The following SUGP1 variants were observed in gnomAD, a reference collection of about 807,000 sequenced individuals.
The protein encoded by SUGP1 is SURP and G-patch domain containing 1.
Under a neutral mutation model 76.5 loss-of-function variants are expected in SUGP1, and 34 were observed. That is an observed-to-expected ratio of 0.44 (90% CI 0.34 to 0.59). SUGP1 has a LOEUF of 0.59. SUGP1 is among the 20% of genes least tolerant of loss of function. SUGP1 has a pLI of 0.01. For missense variants in SUGP1, 752 were observed against 851.7 expected (o/e 0.88, Z 1.46); for synonymous variants, 326 against 326.2 (o/e 1.00, Z 0.01).
intron 5 of SUGP1, 130 bp from the exon 6 acceptor site, chr19:19,303,578 A>G: frequency 3.0e-6 from 4 of 1,344,982 alleles, no homozygotes; most frequent in South Asian, 1.2e-5. Context: ...TCCGTGCCAC[A>G]TGGGAGCCAC....
chr19:19,287,032 T>C (rs1318815936), intron 8 of SUGP1, among the ~76,000 whole-genome samples: 5 of 152,072 alleles, frequency 3.3e-5, no homozygotes, highest in African/African-American at 1.2e-4. Context: ...CCCAGTACTT[T>C]GGAAGGCTGA....
Position 19,279,379 on chromosome 19 carries a change from C to T in SUGP1, c.1362G>A (p.Met454Ile). 6.2e-7 allele frequency: 1 copy of T among 1,601,954 alleles called. No homozygotes were observed. Among genetic ancestry groups the T allele is most frequent in the Non-Finnish European group, 8.5e-7 (1 of 1,177,086 alleles). The change falls in exon 10 of 14, where the codon ATG becomes ATA. Residue 454 changes from methionine (M) to isoleucine (I), a missense_variant. By Grantham distance (10) the Met-to-Ile change is conservative. Coordinates refer to ENST00000247001, the MANE Select transcript of SUGP1 (RefSeq NM_172231.4). ...QLKEQQEMQQ[M>I]YDMIMQHKRA... ...GCTTGTGCTGCATGATCATGTCGTA[C>T]ATCTGCTGCATCTGCAGGGCACACT...
intron 8 of SUGP1, among the ~76,000 whole-genome samples, chr19:19,286,565 A>G (rs940589185): frequency 6.6e-6 from 1 of 152,220 alleles, no homozygotes; most frequent in Non-Finnish European, 1.5e-5. Context: ...AAGGGATTTC[A>G]AAAGATAGAT....
rs755934845 is a variant in SUGP1 at position 19,297,068 on chromosome 19, C to T, written c.1164G>A (p.Gly388=). The change falls in exon 8 of 14, where the codon GGG becomes GGA. Residue 388 remains glycine, a synonymous_variant. Coordinates refer to ENST00000247001, the MANE Select transcript of SUGP1 (RefSeq NM_172231.4). ...GGAGCTCTACCTTATCCTCTTCAGG[C>T]CCCCACCGGCTCTTCCGCTTCCTCT... ...TVKRKRKSRW[G]PEEDKVELPP... is the part of the protein sequence containing the mutation. The T allele has an allele frequency of 6.2e-7, 1 of 1,613,302 alleles. No individual in the cohort carries two copies.
intron 5 of SUGP1, 125 bp from the exon 6 acceptor site, chr19:19,303,573 G>T: frequency 7.5e-7 from 1 of 1,335,640 alleles, no homozygotes; most frequent in Non-Finnish European, 1.1e-6. Context: ...AAGTCTCCGT[G>T]CCACATGGGA....
chr19:19,285,904 T>G (rs770569484), intron 8 of SUGP1, among the ~76,000 whole-genome samples: 1 of 152,172 alleles, frequency 6.6e-6, no homozygotes, highest in Non-Finnish European at 1.5e-5. Flanking sequence ...TACTGTTTTG[T>G]GCAAATGCAG....
intron 4 of SUGP1, among the ~76,000 whole-genome samples, chr19:19,304,805 GGA>G (rs1905155807): frequency 6.6e-6 from 1 of 152,146 alleles, no homozygotes; most frequent in Non-Finnish European, 1.5e-5. Flanking sequence ...TGGGAATGGG[GGA>G]GAGGTGGGGA....
At chr19:19,317,799 C>A (rs1016040418) in intron 1 of SUGP1, among the ~76,000 whole-genome samples, 2 of 149,064 alleles carry the variant, frequency 1.3e-5, no homozygotes, top group African/African-American at 2.5e-5. Flanking sequence ...AGGCACCGTG[C>A]CCCAGTGGCT....
At chr19:19,304,007 G>A (rs186191456) in intron 4 of SUGP1, 160 bp from the exon 5 acceptor site, 33 of 1,592,060 alleles carry the variant, frequency 2.1e-5, no homozygotes, top group Admixed American at 5.0e-5. Flanking sequence ...ACACCATGAC[G>A]AGGGGGGAGT....
At chr19:19,288,685 G>A (rs1238714446) in intron 8 of SUGP1, among the ~76,000 whole-genome samples, 3 of 152,176 alleles carry the variant, frequency 2.0e-5, no homozygotes, top group African/African-American at 4.8e-5. Context: ...GAGCTCAAGA[G>A]GTTGAGGCTG....
At chr19:19,309,602 C>T (rs2061339820) in intron 3 of SUGP1, among the ~76,000 whole-genome samples, 1 of 151,792 alleles carries the variant, frequency 6.6e-6, no homozygotes, top group Non-Finnish European at 1.5e-5. Flanking sequence ...CACAATGAAA[C>T]CCAGTCCCTA....
intron 1 of SUGP1, among the ~76,000 whole-genome samples, chr19:19,319,738 GAAAGA>G (rs2061425231): frequency 7.5e-6 from 1 of 133,534 alleles, no homozygotes; most frequent in Non-Finnish European, 1.6e-5. Flanking sequence ...AAGAAAGAAA[GAAAGA>G]AAAGGTCTTT....
rs772847394 is a variant in SUGP1 at position 19,305,853 on chromosome 19, G to C, written c.534C>G (p.Ile178Met). 4 of 1,602,042 alleles carry C rather than the reference G, an allele frequency of 2.5e-6. No individual in the cohort carries two copies. Among genetic ancestry groups the C allele is most frequent in the Non-Finnish European group, 3.4e-6 (4 of 1,171,818 alleles). ...GCAGCAGCTCCCACAACTTACCTTT[G>C]ATCTCCAGCCACTGCTCATAGTCCT... is the stretch of plus-strand genomic sequence containing the variant. ...EEEDYEQWLEIKVSPPEGAET... is the reference protein window; with the variant it reads ...EEEDYEQWLEMKVSPPEGAET... The change falls in exon 4 of 14, where the codon ATC becomes ATG. Residue 178 changes from isoleucine (I) to methionine (M), a missense_variant. By Grantham distance (10) the Ile-to-Met change is conservative. Coordinates refer to ENST00000247001, the MANE Select transcript of SUGP1 (RefSeq NM_172231.4).
At chr19:19,283,585 GCCGGGA>G (rs2061116889) in intron 8 of SUGP1, among the ~76,000 whole-genome samples, 1 of 152,130 alleles carries the variant, frequency 6.6e-6, no homozygotes, top group Admixed American at 6.5e-5. Flanking sequence ...CTCCCGAGTA[GCCGGGA>G]CTACAGGTGG....
At chr19:19,304,047 G>A (rs1568631177) in intron 4 of SUGP1, 200 bp from the exon 5 acceptor site, 1 of 1,561,582 alleles carries the variant, frequency 6.4e-7, no homozygotes, top group East Asian at 2.3e-5. Flanking sequence ...AGACACACTA[G>A]GTGGGAGAGA....
Position 19,280,300 on chromosome 19 carries a change from CAA to C in SUGP1, c.1244-11_1244-10del. The C allele has an allele frequency of 6.2e-7, 1 of 1,612,960 alleles. No individual in the cohort carries two copies. The highest frequency in any genetic ancestry group is 8.5e-7 in the Non-Finnish European group (1 of 1,179,398). ...CCCCTTGAGGTCCTGAACTGGAAAC[CAA>C]AGACACAGGGTAGTCAGAGCCTGAC... On this transcript the variant is annotated splice_polypyrimidine_tract_variant and intron_variant, in intron 8 of 13. Transcript: ENST00000247001.
intron 11 of SUGP1, 45 bp downstream of exon 11, chr19:19,278,645 G>A: frequency 6.5e-7 from 1 of 1,544,196 alleles, no homozygotes; most frequent in Non-Finnish European, 8.8e-7. Context: ...TACAGGAGGG[G>A]CTGGCATGTG....
At chr19:19,304,183 G>A (rs989042272) in intron 4 of SUGP1, 23 of 538,804 alleles carry the variant, frequency 4.3e-5, no homozygotes, top group Non-Finnish European at 6.6e-5. Context: ...ATAATACATC[G>A]GTTCCCTTTC....
At chr19:19,280,138 C>G in intron 9 of SUGP1, 47 bp downstream of exon 9, 1 of 1,579,562 alleles carries the variant, frequency 6.3e-7, no homozygotes, top group Non-Finnish European at 8.7e-7. Context: ...GGACAACACT[C>G]TATGGGCGCC....
Sources: gnomAD v4.1 joint callset for allele counts (sites outside exome capture counted in the v4.1 genomes callset) on GRCh38, gnomAD v4.1.1 for gene constraint, MANE v1.5 for transcripts, NCBI Gene and HGNC (gene_info 2026-07-23, HGNC 2026-07-21) for gene names.